Variants in NLGN1 observed in about 807,000 individuals in gnomAD.
NLGN1 encodes neuroligin-1.
A neutral mutation model predicts 65.5 loss-of-function variants in NLGN1; 12 were observed. That is an observed-to-expected ratio of 0.18 (90% CI 0.12 to 0.30). The LOEUF is 0.30. NLGN1 is among the 10% of genes least tolerant of loss of function. The pLI, the probability that NLGN1 is intolerant of heterozygous loss-of-function variation, is 1.00. For synonymous variants in NLGN1, 350 were observed against 359.5 expected (o/e 0.97, Z 0.30); for missense variants, 750 against 1,007.1 (o/e 0.74, Z 3.46).
Position 174,279,472 on chromosome 3 carries a change from C to A in NLGN1, c.1471C>A (p.His491Asn). 1 of 1,613,194 alleles carries A rather than the reference C, an allele frequency of 6.2e-7. No individual in the cohort carries two copies. The highest frequency in any genetic ancestry group is 2.2e-5 in the East Asian group (1 of 44,822). ...TACGTACTTCTATGCCTTTTACCATCATTGCCAAACAGATCAGGTTCCAGC... is the reference window on the plus strand; with the variant it reads ...TACGTACTTCTATGCCTTTTACCATAATTGCCAAACAGATCAGGTTCCAGC... Residue 491 changes from histidine to asparagine, a missense_variant, in exon 6 of 7, where the codon CAT (histidine) becomes AAT (asparagine). Coordinates refer to ENST00000457714, the Ensembl canonical transcript of NLGN1. This position sits in a 1 kb window ranked among gnomAD's most constrained non-coding sequence, Gnocchi z 4.7.
At chr3:173,447,801 T>A (rs1577517024) in intron 2 of NLGN1, among the ~76,000 whole-genome samples, 1 of 152,330 alleles carries the variant, frequency 6.6e-6, no homozygotes, top group African/African-American at 2.4e-5. Context: ...GATTCCTAGG[T>A]ATTTTATTCT....
In NLGN1 at chr3:174,021,553, A is replaced by G. The variant is rs114196250; in HGVS notation, c.646+213721A>G. ...TTTTACATTTTAATTTTATTATTCT[A>G]TGAAACACAATAATCTTGGAAGTAG... On this transcript the variant is annotated intron_variant, in intron 4 of 6. Coordinates refer to ENST00000457714, the Ensembl canonical transcript of NLGN1. Among the ~76,000 whole-genome samples the G allele has an allele frequency of 6.2e-3, 943 of 152,260 alleles. 12 individuals are homozygous for G. Among genetic ancestry groups the G allele is most frequent in the African/African-American group, 0.021 (882 of 41,564 alleles).
intron 3 of NLGN1, among the ~76,000 whole-genome samples, chr3:173,773,572 T>C (rs369617312): frequency 9.2e-5 from 14 of 152,202 alleles, no homozygotes; most frequent in Admixed American, 7.2e-4. Context: ...ATGTTTGTTA[T>C]ATATTTTGGG....
intron 3 of NLGN1, among the ~76,000 whole-genome samples, chr3:173,750,475 A>G (rs975350912): frequency 6.6e-6 from 1 of 152,098 alleles, no homozygotes; most frequent in African/African-American, 2.4e-5. Flanking sequence ...TTGCATTGTC[A>G]GAGTATTCTA....
At chr3:174,235,273 A>G (rs1226108934) in intron 4 of NLGN1, among the ~76,000 whole-genome samples, 1 of 151,998 alleles carries the variant, frequency 6.6e-6, no homozygotes, top group Non-Finnish European at 1.5e-5. Context: ...TCCTTCATAT[A>G]CACCAAGTCT....
At chr3:173,887,278 A>T (rs1387230098) in intron 4 of NLGN1, among the ~76,000 whole-genome samples, 1 of 152,014 alleles carries the variant, frequency 6.6e-6, no homozygotes, top group Non-Finnish European at 1.5e-5. Context: ...TATTTCTTGG[A>T]TCACAATGAT....
At chr3:173,708,533 G>T (rs555987755) in intron 3 of NLGN1, among the ~76,000 whole-genome samples, 1 of 152,298 alleles carries the variant, frequency 6.6e-6, no homozygotes, top group South Asian at 2.1e-4. Flanking sequence ...AGAGAGGCCT[G>T]CATAGACTTT....
intron 2 of NLGN1, among the ~76,000 whole-genome samples, chr3:173,459,267 A>AT (rs202186332): frequency 4.8e-4 from 73 of 152,180 alleles, no homozygotes; most frequent in African/African-American, 1.7e-3. Context: ...CTTTCAATGC[A>AT]TTTTTTAAAA....
chr3:173,872,953 G>C (rs141359393), intron 4 of NLGN1, among the ~76,000 whole-genome samples: 2 of 151,980 alleles, frequency 1.3e-5, no homozygotes, highest in Non-Finnish European at 2.9e-5. Flanking sequence ...GATGTGAAAC[G>C]ATCTTAGAGT....
chr3:173,535,505 A>G (rs541495345), intron 2 of NLGN1, among the ~76,000 whole-genome samples: 4 of 152,152 alleles, frequency 2.6e-5, no homozygotes, highest in Non-Finnish European at 5.9e-5. Flanking sequence ...ATATCAGATC[A>G]TAAGTGACAG....
intron 4 of NLGN1, among the ~76,000 whole-genome samples, chr3:173,825,122 A>G (rs906990225): frequency 6.6e-6 from 1 of 152,080 alleles, no homozygotes; most frequent in East Asian, 1.9e-4. Context: ...TGAAATTAAG[A>G]TTTCTATTTT....
intron 4 of NLGN1, among the ~76,000 whole-genome samples, chr3:174,017,914 A>G (rs975675564): frequency 2.0e-5 from 3 of 152,132 alleles, no homozygotes; most frequent in African/African-American, 7.2e-5. Context: ...TTGAGAGCAG[A>G]CAACTGGTCT....
At chr3:173,949,607 G>A (rs1300768364) in intron 4 of NLGN1, among the ~76,000 whole-genome samples, 1 of 152,054 alleles carries the variant, frequency 6.6e-6, no homozygotes, top group East Asian at 1.9e-4. Flanking sequence ...TCTTCAGTTA[G>A]TAAAACCAAG....
chr3:174,141,704 C>T (rs1394124234), intron 4 of NLGN1, among the ~76,000 whole-genome samples: 1 of 152,134 alleles, frequency 6.6e-6, no homozygotes, highest in Non-Finnish European at 1.5e-5. Flanking sequence ...ACAGAAGCCA[C>T]GTGCCAGCTT....
At position 174,209,619 on chromosome 3, in the gene NLGN1, C is replaced by CT. The variant is rs1184386254; in HGVS notation, c.647-65693dup. Among the ~76,000 whole-genome samples the CT allele has an allele frequency of 3.0e-3, 287 of 97,236 alleles. 6 individuals carry two copies. The highest frequency in any genetic ancestry group is 0.012 in the African/African-American group (266 of 21,616). The allele number at this position is 97,236 out of a possible 152,430, so 63.8% of individuals were successfully genotyped here. On this transcript the variant is annotated intron_variant, in intron 4 of 6. Transcript: ENST00000457714. ...CCTACCCTGGTGTCTATCAACCTTT[C>CT]TTTCTTTTTTTTTTTTTTTTTTTTT...
chr3:173,925,287 A>G (rs1742797578), intron 4 of NLGN1, among the ~76,000 whole-genome samples: 1 of 152,078 alleles, frequency 6.6e-6, no homozygotes, highest in African/African-American at 2.4e-5. Flanking sequence ...TCTTTTGGGG[A>G]TGTTGGTATT....
chr3:173,591,243 C>A (rs1748430772), intron 2 of NLGN1, among the ~76,000 whole-genome samples: 2 of 152,024 alleles, frequency 1.3e-5, no homozygotes, highest in African/African-American at 4.8e-5. Flanking sequence ...ATTTGTGTTA[C>A]ACAAATGGCC....
chr3:173,724,650 A>G (rs1169405627), intron 3 of NLGN1, among the ~76,000 whole-genome samples: 1 of 152,196 alleles, frequency 6.6e-6, no homozygotes, highest in East Asian at 1.9e-4. Flanking sequence ...CTAGAGCTAG[A>G]AATACCATTT....
At chr3:173,937,312 GA>G (rs1253772126) in intron 4 of NLGN1, among the ~76,000 whole-genome samples, 5 of 151,994 alleles carry the variant, frequency 3.3e-5, no homozygotes, top group African/African-American at 1.2e-4. Context: ...CTGAGCTTAT[GA>G]AATAATTCAC....
Sources: gnomAD v4.1 joint callset for allele counts (sites outside exome capture counted in the v4.1 genomes callset) on GRCh38, gnomAD v4.1.1 for gene constraint, Gnocchi (gnomAD v3.1) non-coding constraint, MANE v1.5 for transcripts, NCBI Gene and HGNC (gene_info 2026-07-23, HGNC 2026-07-21) for gene names.